Variants in HAUS6 observed in about 807,000 individuals in gnomAD.
HAUS6 encodes HAUS augmin like complex subunit 6.
In HAUS6, 80 loss-of-function variants were observed where a neutral mutation model predicts 106.8. The observed-to-expected ratio is 0.75, with a 90% CI of 0.63 to 0.90. The LOEUF (loss-of-function observed/expected upper bound fraction) is 0.90, where lower values mean the gene tolerates loss of function less well. Among genes scored for constraint, HAUS6 ranks in the 40% least tolerant of loss-of-function variants. The pLI is 0.00. For missense variants in HAUS6, 1,155 were observed against 1,118.1 expected, an observed-to-expected ratio of 1.03 and a Z score of -0.47; for synonymous variants, 356 against 379.1, an observed-to-expected ratio of 0.94 and a Z score of 0.71.
chr9:19,096,832 A>T lies in HAUS6; in HGVS notation c.129-63T>A, dbSNP rs1817875447. 6 of 741,896 alleles carry T rather than the reference A, an allele frequency of 8.1e-6. No homozygotes were observed. The East Asian group carries it at 1.7e-4, about 21-fold the overall frequency. 46.0% of individuals were successfully genotyped at this position (741,896 alleles called of 1,614,324 possible). A position where few individuals can be genotyped will look rare whatever the true frequency, so the allele number is the denominator to read the frequency against. ...AAGGTTAATAAGCTAAACATCATCA[A>T]AAGCTGAGTAAGACTTTGACACAAA... On this transcript the variant is annotated intron_variant, in intron 1 of 16. Coordinates refer to ENST00000380502, the MANE Select transcript of HAUS6 (RefSeq NM_017645.5).
intron 1 of HAUS6, among the ~76,000 whole-genome samples, chr9:19,100,611 AAAGAGG>A (rs1817967581): frequency 1.3e-5 from 2 of 152,356 alleles, no homozygotes; most frequent in East Asian, 3.9e-4. Context: ...TCAGTATATG[AAAGAGG>A]CATCTGCACT....
chr9:19,058,039 G>C lies in HAUS6; in HGVS notation c.2728C>G (p.Leu910Val). The C allele has an allele frequency of 6.2e-7, 1 of 1,611,928 alleles. No homozygotes were observed. Among genetic ancestry groups the C allele is most frequent in the Non-Finnish European group, 8.5e-7 (1 of 1,177,984 alleles). ...TGTTCCACTGGAGAAAACTTAATTA[G>C]TGGTGAAAGAGACCGTTTTCTTTCA... Reference protein sequence around the residue: ...IGERKRSLSPLIKFSPVEQRL... With the variant: ...IGERKRSLSPVIKFSPVEQRL... The change falls in exon 16 of 17, where the codon CTA becomes GTA. Residue 910 changes from leucine to valine, a missense_variant. Around this residue, in one of 3 missense-constraint regions of HAUS6, gnomAD observed 380 missense variants for 394.8 expected, o/e 0.96. Coordinates refer to ENST00000380502, the MANE Select transcript of HAUS6 (RefSeq NM_017645.5).
intron 2 of HAUS6, 110 bp downstream of exon 2, chr9:19,096,564 C>CCA: frequency 3.8e-6 from 1 of 262,480 alleles, no homozygotes; most frequent in Non-Finnish European, 6.4e-6. Context: ...GACTCCGTCT[C>CCA]AAAAAAAAAA....
chr9:19,056,756 G>C, intron 16 of HAUS6: 1 of 180,718 alleles, frequency 5.5e-6, no homozygotes, highest in Non-Finnish European at 1.2e-5. Context: ...ATGCGCCAAC[G>C]TGCCCAGCTA....
In HAUS6 at chr9:19,102,513, G is replaced by A. The variant is rs1275051179; in HGVS notation, c.128+11C>T. 3.1e-6 allele frequency: 5 copies of A among 1,611,834 alleles called. No homozygotes were observed. The highest frequency in any genetic ancestry group is 1.7e-5 in the Admixed American group (1 of 59,692). ...CAGGCTCCCTCGCCCCGCCGGCCCC[G>A]GCCTCCTTACACTCCGAGGTGCGTG... On this transcript the variant is annotated intron_variant, in intron 1 of 16. Coordinates refer to ENST00000380502, the MANE Select transcript of HAUS6 (RefSeq NM_017645.5).
chr9:19,058,822 C>T lies in HAUS6; in HGVS notation c.1945G>A (p.Gly649Ser). Residue 649 changes from glycine (G) to serine (S), a missense_variant, in exon 16 of 17, where the codon GGC (glycine) becomes AGC (serine). Physicochemically the swap from Gly to Ser is moderately conservative, Grantham distance 56. Around this residue, in one of 3 missense-constraint regions of HAUS6, gnomAD observed 380 missense variants for 394.8 expected, o/e 0.96. Coordinates refer to ENST00000380502, the MANE Select transcript of HAUS6 (RefSeq NM_017645.5). ...TTCTCTTCAGTCAAATGAGACTGGC[C>T]AAAATCTGATACAGTGGTTTCTAAG... is the stretch of plus-strand genomic sequence containing the variant. ...FLLETTVSDFGQSHLTEEKVI... is the reference protein window; with the variant it reads ...FLLETTVSDFSQSHLTEEKVI... 1.2e-6 allele frequency: 2 copies of T among 1,614,148 alleles called. No individual in the cohort carries two copies. Among genetic ancestry groups the T allele is most frequent in the Non-Finnish European group, 8.5e-7 (1 of 1,180,018 alleles).
chr9:19,058,513 T>C lies in HAUS6; in HGVS notation c.2254A>G (p.Met752Val), dbSNP rs767268752. 16 of 1,573,578 alleles carry C rather than the reference T, an allele frequency of 1.0e-5. No individual in the cohort carries two copies. Among genetic ancestry groups the C allele is most frequent in the Middle Eastern group, 1.7e-4 (1 of 5,892 alleles). The change falls in exon 16 of 17, where the codon ATG (methionine) becomes GTG (valine). Residue 752 changes from methionine to valine, a missense_variant. Physicochemically the swap from Met to Val is conservative, Grantham distance 21 (BLOSUM62 1). Transcript: ENST00000380502. ...SCNKPSTNKT[M>V]LWNSFQISSG... The stretch of plus-strand genomic sequence containing the variant: ...GATATCTGAAAAGAATTCCACAACA[T>C]AGTTTTATTTGTGGAAGGTTTGTTA...
chr9:19,063,931 T>G (rs10757026), intron 12 of HAUS6: 281,700 of 332,498 alleles, frequency 0.85, 120,205 homozygotes, highest in African/African-American at 0.95. Flanking sequence ...ATGTCACAGG[T>G]TCCAAATCAC....
rs917746415 is a variant in HAUS6, at chr9:19,069,329, T to C, written c.1376+890A>G. 2.6e-5 allele frequency among the ~76,000 whole-genome samples: 4 copies of C among 152,178 alleles called. No homozygotes were observed. The East Asian group carries it at 7.7e-4, about 29-fold the overall frequency. ...AGAATAGAAGAGGAAAAAATGCCCA[T>C]GTATCATAAATGTTGGATCTTTTCT... On this transcript the variant is annotated intron_variant, in intron 12 of 16. Coordinates refer to ENST00000380502, the MANE Select transcript of HAUS6 (RefSeq NM_017645.5).
At chr9:19,070,653 G>T (rs1307972584) in intron 11 of HAUS6, among the ~76,000 whole-genome samples, 2 of 152,202 alleles carry the variant, frequency 1.3e-5, no homozygotes, top group African/African-American at 4.8e-5. Context: ...GCATATTTCA[G>T]TGCACATTTA....
At chr9:19,090,674 T>C (rs10963955) in intron 4 of HAUS6, among the ~76,000 whole-genome samples, 12,054 of 152,242 alleles carry the variant, frequency 0.079, 527 homozygotes, top group East Asian at 0.11. Context: ...TAGAATCTTT[T>C]AACAAAGGAA....
In HAUS6 at chr9:19,053,579, C is replaced by T. The variant is rs1417285869; in HGVS notation, c.*2764G>A. Reference sequence around the variant, plus strand: ...ACATTTTTCATGTTTAGCAACATTACATGGTTGTCCTCTTTAAACATTTAA... The same window carrying T: ...ACATTTTTCATGTTTAGCAACATTATATGGTTGTCCTCTTTAAACATTTAA... On this transcript the variant is annotated 3_prime_UTR_variant, in exon 17 of 17. Coordinates refer to ENST00000380502, the MANE Select transcript of HAUS6 (RefSeq NM_017645.5). 1 of 152,206 alleles carries T rather than the reference C, an allele frequency of 6.6e-6. No homozygotes were observed. The highest frequency in any genetic ancestry group is 1.5e-5 in the Non-Finnish European group (1 of 68,014). 9.4% of individuals were successfully genotyped at this position (152,206 alleles called of 1,614,324 possible).
chr9:19,054,703 A>C lies in HAUS6; in HGVS notation c.*1640T>G. ...TATGCAACAACGTACCTGCTTCTTAAAAGTACCACAGGGTTAAATGTGAAT... is the reference window on the plus strand; with the variant it reads ...TATGCAACAACGTACCTGCTTCTTACAAGTACCACAGGGTTAAATGTGAAT... On this transcript the variant is annotated 3_prime_UTR_variant, in exon 17 of 17. Coordinates refer to ENST00000380502, the MANE Select transcript of HAUS6 (RefSeq NM_017645.5). 1 of 152,208 alleles carries C rather than the reference A, an allele frequency of 6.6e-6. No individual in the cohort carries two copies. The highest frequency in any genetic ancestry group is 1.9e-4 in the East Asian group (1 of 5,202). The allele number at this position is 152,208 out of a possible 1,614,324, so 9.4% of individuals were successfully genotyped here. A position where few individuals can be genotyped will look rare whatever the true frequency, so the allele number is the denominator to read the frequency against.
chr9:19,080,654 A>G lies in HAUS6; in HGVS notation c.889T>C (p.Tyr297His). Residue 297 changes from tyrosine to histidine, a missense_variant, in exon 9 of 17, where the codon TAT becomes CAT. Tyr to His is a moderately conservative substitution (Grantham distance 83). This residue lies in a region of HAUS6 where 761 missense variants were observed against 690.0 expected (regional missense o/e 1.10). Transcript: ENST00000380502. ...QMFQLHIGNV[Y>H]EAGKLNLLTV... ...AAGAGGTTCAGTTTTCCAGCCTCATAAACATTTCCTATGTGCAACTAAGGA... is the reference window on the plus strand; with the variant it reads ...AAGAGGTTCAGTTTTCCAGCCTCATGAACATTTCCTATGTGCAACTAAGGA... The G allele has an allele frequency of 6.2e-7, 1 of 1,607,220 alleles. No individual in the cohort carries two copies. The highest frequency in any genetic ancestry group is 1.3e-5 in the African/African-American group (1 of 74,826).
In HAUS6 at chr9:19,054,375, C is replaced by T. The variant is rs976077393; in HGVS notation, c.*1968G>A. On this transcript the variant is annotated 3_prime_UTR_variant, in exon 17 of 17. Transcript: ENST00000380502. ...ACAGTTCCTTAAGATCAAAAGGTAA[C>T]TATGTAGGAGATACTGGATAGGGAA... 1 of 152,134 alleles carries T rather than the reference C, an allele frequency of 6.6e-6. No homozygotes were observed. Among genetic ancestry groups the T allele is most frequent in the African/African-American group, 2.4e-5 (1 of 41,414 alleles). The allele number at this position is 152,134 out of a possible 1,614,324, so 9.4% of individuals were successfully genotyped here.
Position 19,080,556 on chromosome 9 carries a change from T to C in HAUS6, c.987A>G (p.Arg329=). The change falls in exon 9 of 17, where the codon AGA becomes AGG. Residue 329 remains arginine (R), a synonymous_variant. Coordinates refer to ENST00000380502, the MANE Select transcript of HAUS6 (RefSeq NM_017645.5). ...CAAGGTAGTGAAGGTCTACCGTCAA[T>C]CTTGCTTGATCAGCCTGACAACGTT... is the stretch of plus-strand genomic sequence containing the variant. The part of the protein sequence containing the change: ...KYERCQADQA[R]LTVDLHYLEK... The C allele has an allele frequency of 1.2e-6, 2 of 1,605,194 alleles. No homozygotes were observed. The highest frequency in any genetic ancestry group is 1.7e-6 in the Non-Finnish European group (2 of 1,173,176).
chr9:19,099,926 G>C (rs1460047838), intron 1 of HAUS6, among the ~76,000 whole-genome samples: 1 of 152,220 alleles, frequency 6.6e-6, no homozygotes, highest in African/African-American at 2.4e-5. Flanking sequence ...AGGTGTGGTG[G>C]CTCAGGCCTA....
rs1165373143 is a variant in HAUS6, at chr9:19,062,873, C to T, written c.1629+135G>A. On this transcript the variant is annotated intron_variant, in intron 14 of 16. Transcript: ENST00000380502. ...GTAGAGATGGGTTTCGCCATGTTGC[C>T]CATGCTGGTCTCGAACTTCTGGGCT... 7.1e-6 allele frequency: 5 copies of T among 700,828 alleles called. No individual in the cohort carries two copies. The African/African-American group carries it at 7.3e-5, about 10-fold the overall frequency. 43.4% of individuals were successfully genotyped at this position (700,828 alleles called of 1,614,324 possible).
Position 19,080,570 on chromosome 9 carries a change from C to G in HAUS6, c.973G>C (p.Ala325Pro). Residue 325 changes from alanine (A) to proline (P), a missense_variant, in exon 9 of 17, where the codon GCT (alanine) becomes CCT (proline). Physicochemically the swap from Ala to Pro is conservative, Grantham distance 27. This residue lies in a region of HAUS6 where 761 missense variants were observed against 690.0 expected (regional missense o/e 1.10). Transcript: ENST00000380502. The part of the protein sequence containing the change: ...LKVMKYERCQ[A>P]DQARLTVDLH... ...TCTACCGTCAATCTTGCTTGATCAG[C>G]CTGACAACGTTCATATTTCATCACC... The G allele has an allele frequency of 6.2e-7, 1 of 1,600,276 alleles. No individual in the cohort carries two copies. The highest frequency in any genetic ancestry group is 8.6e-7 in the Non-Finnish European group (1 of 1,168,542).
Sources: gnomAD v4.1 joint callset for allele counts (sites outside exome capture counted in the v4.1 genomes callset) on GRCh38, gnomAD v4.1.1 for gene constraint, gnomAD v4.1.1 regional missense constraint, MANE v1.5 for transcripts, NCBI Gene and HGNC (gene_info 2026-07-23, HGNC 2026-07-21) for gene names.